The following TRMT9B variants were observed in gnomAD, a reference collection of about 807,000 sequenced individuals.
TRMT9B encodes probable tRNA methyltransferase 9B.
In TRMT9B, 16 loss-of-function variants were observed where a neutral mutation model predicts 11.5. The ratio of observed to expected loss-of-function variants is 1.39; its 90% CI spans 0.94 to 2.11. The LOEUF (loss-of-function observed/expected upper bound fraction) is 2.11, where lower values mean the gene tolerates loss of function less well. Ranked by LOEUF, TRMT9B falls within the 30% of genes most tolerant of loss-of-function variation. TRMT9B has a pLI of 0.00. For synonymous variants in TRMT9B, 274 were observed against 192.4 expected (o/e 1.42, Z -3.51); for missense variants, 941 against 553.8 (o/e 1.70, Z -7.02).
intron 1 of TRMT9B, among the ~76,000 whole-genome samples, chr8:12,978,889 C>T (rs1804896516): frequency 6.6e-6 from 1 of 152,226 alleles, no homozygotes; most frequent in Non-Finnish European, 1.5e-5. Context: ...ATTTCTCTCT[C>T]TTTGGCAGTC....
At chr8:13,011,742 C>G in intron 3 of TRMT9B, 1 of 969,520 alleles carries the variant, frequency 1.0e-6, no homozygotes, top group Non-Finnish European at 1.2e-6. Context: ...CAAAAATTGT[C>G]TATTTAAGAA....
intron 2 of TRMT9B, among the ~76,000 whole-genome samples, chr8:13,003,429 C>G (rs1809828964): frequency 1.3e-5 from 2 of 152,090 alleles, no homozygotes; most frequent in African/African-American, 4.8e-5. Flanking sequence ...CCTGGAAGGT[C>G]AGGGAAGTCT....
rs67049213 is a variant in TRMT9B at position 13,024,395 on chromosome 8, C to T, written c.*2351C>T. 42,906 of 167,036 alleles carry T rather than the reference C, an allele frequency of 0.26. 6,409 individuals carry two copies. The highest frequency in any genetic ancestry group is 0.59 in the East Asian group (3,045 of 5,162). The allele number at this position is 167,036 out of a possible 1,614,324, so 10.3% of individuals were successfully genotyped here. ...ACTAAACCATGACTGCAAGGGATTT[C>T]CTTGGTAAAAAGAAAAGATTCTCAG... On this transcript the variant is annotated 3_prime_UTR_variant, in exon 5 of 5. Transcript: ENST00000524591.
At chr8:12,979,829 C>T (rs1216559363) in intron 1 of TRMT9B, among the ~76,000 whole-genome samples, 1 of 152,148 alleles carries the variant, frequency 6.6e-6, no homozygotes, top group Non-Finnish European at 1.5e-5. Flanking sequence ...TTCTGGATAT[C>T]TTAAGCAGAG....
At position 12,990,839 on chromosome 8, in the gene TRMT9B, G is replaced by T; in HGVS notation, c.-194G>T. On this transcript the variant is annotated 5_prime_UTR_variant, in exon 2 of 5. Coordinates refer to ENST00000524591, the MANE Select transcript of TRMT9B (RefSeq NM_020844.3). ...ATTTGTTTTCTTCCTGATAGGGCCTGTGCTTCCTTCAGAGACTCACACAAG... is the reference window on the plus strand; with the variant it reads ...ATTTGTTTTCTTCCTGATAGGGCCTTTGCTTCCTTCAGAGACTCACACAAG... 7.8e-7 allele frequency: 1 copy of T among 1,289,160 alleles called. No individual in the cohort carries two copies. The highest frequency in any genetic ancestry group is 1.0e-6 in the Non-Finnish European group (1 of 988,282). 79.9% of individuals were successfully genotyped at this position (1,289,160 alleles called of 1,614,324 possible).
rs505480 is a variant in TRMT9B, at chr8:13,021,334, C to G, written c.655C>G (p.Pro219Ala). The change falls in exon 5 of 5, where the codon CCT becomes GCT. Residue 219 changes from proline (P) to alanine (A), a missense_variant. Transcript: ENST00000524591. ...SKRSHSVGYEPAMARTCFANI... is the reference protein window; with the variant it reads ...SKRSHSVGYEAAMARTCFANI... ...ACGGTCCCACAGCGTGGGCTATGAA[C>G]CTGCTATGGCAAGAACCTGTTTTGC... 1.9e-6 allele frequency: 3 copies of G among 1,613,960 alleles called. No homozygotes were observed. Among genetic ancestry groups the G allele is most frequent in the East Asian group, 2.2e-5 (1 of 44,884 alleles).
chr8:12,990,879 A>T lies in TRMT9B; in HGVS notation c.-154A>T. On this transcript the variant is annotated 5_prime_UTR_variant, in exon 2 of 5. Transcript: ENST00000524591. ...ACTCACACAAGAGGTTTATCATGAG[A>T]AGGACCGCACTATTTCATTTCACTC... 1 of 1,289,664 alleles carries T rather than the reference A, an allele frequency of 7.8e-7. No homozygotes were observed. Among genetic ancestry groups the T allele is most frequent in the Non-Finnish European group, 1.0e-6 (1 of 988,650 alleles). The allele number at this position is 1,289,664 out of a possible 1,614,324, so 79.9% of individuals were successfully genotyped here. A position where few individuals can be genotyped will look rare whatever the true frequency, so the allele number is the denominator to read the frequency against.
At chr8:12,974,956 G>A (rs1804210667) in intron 1 of TRMT9B, among the ~76,000 whole-genome samples, 1 of 151,008 alleles carries the variant, frequency 6.6e-6, no homozygotes, top group African/African-American at 2.4e-5. Context: ...AAAGAACTTT[G>A]CCATAAAAGG....
At chr8:12,951,666 G>A (rs1293269368) in intron 1 of TRMT9B, 1 of 151,950 alleles carries the variant, frequency 6.6e-6, no homozygotes, top group Non-Finnish European at 1.5e-5. Flanking sequence ...CCGGACAGCT[G>A]AGCCCGAGCG....
intron 4 of TRMT9B, among the ~76,000 whole-genome samples, chr8:13,013,705 C>T (rs1017369200): frequency 6.6e-6 from 1 of 152,194 alleles, no homozygotes; most frequent in South Asian, 2.1e-4. Context: ...GTAATCCCAA[C>T]CCTTTGGGAG....
chr8:12,977,846 C>G lies in TRMT9B; in HGVS notation c.-199-12988C>G, dbSNP rs552501939. On this transcript the variant is annotated intron_variant, in intron 1 of 4. Transcript: ENST00000524591. ...CCTGGGCAATATAGCAAGACCCTAT[C>G]TCTACAAAAAAAAAAGAAAAAAATA... 9.6e-5 allele frequency among the ~76,000 whole-genome samples: 11 copies of G among 115,126 alleles called. No homozygotes were observed. The East Asian group carries it at 3.2e-3, about 33-fold the overall frequency. The allele number at this position is 115,126 out of a possible 152,430, so 75.5% of individuals were successfully genotyped here. A position where few individuals can be genotyped will look rare whatever the true frequency, so the allele number is the denominator to read the frequency against.
chr8:12,985,735 T>A (rs899516785), intron 1 of TRMT9B, among the ~76,000 whole-genome samples: 1 of 152,220 alleles, frequency 6.6e-6, no homozygotes, highest in Non-Finnish European at 1.5e-5. Context: ...TGCTGACATC[T>A]ATGGGACTTA....
At chr8:12,952,901 G>A (rs749362410) in intron 1 of TRMT9B, among the ~76,000 whole-genome samples, 1 of 152,082 alleles carries the variant, frequency 6.6e-6, no homozygotes, top group Non-Finnish European at 1.5e-5. Context: ...CACCATGCCT[G>A]GCTAATTTTT....
intron 3 of TRMT9B, chr8:13,007,208 A>C (rs1426422869): frequency 6.6e-6 from 1 of 152,156 alleles, no homozygotes; most frequent in Non-Finnish European, 1.5e-5. Flanking sequence ...TATCTTATGA[A>C]TCTCATGGGT....
chr8:13,016,089 T>C (rs1005275492), intron 4 of TRMT9B, among the ~76,000 whole-genome samples: 2 of 146,392 alleles, frequency 1.4e-5, no homozygotes, highest in Non-Finnish European at 3.0e-5. Flanking sequence ...CTAAAAATCA[T>C]ATGGGTATAT....
chr8:12,950,417 C>T (rs968197124), intron 1 of TRMT9B, among the ~76,000 whole-genome samples: 3 of 152,212 alleles, frequency 2.0e-5, no homozygotes, highest in Admixed American at 6.5e-5. Flanking sequence ...GTATCCAATA[C>T]GTCTTCTGTG....
intron 2 of TRMT9B, among the ~76,000 whole-genome samples, chr8:13,004,483 G>A (rs1360698426): frequency 6.6e-6 from 1 of 151,820 alleles, no homozygotes; most frequent in Admixed American, 6.6e-5. Context: ...GTTCAGCTGC[G>A]GTAGGATAGG....
chr8:13,014,893 T>C (rs2128896609), intron 4 of TRMT9B, among the ~76,000 whole-genome samples: 1 of 152,038 alleles, frequency 6.6e-6, no homozygotes, highest in African/African-American at 2.4e-5. Context: ...AAACCCCGTC[T>C]CTACTAAAAA....
At chr8:12,976,368 CTT>C (rs34578022) in intron 1 of TRMT9B, among the ~76,000 whole-genome samples, 38,169 of 149,488 alleles carry the variant, frequency 0.26, 5,459 homozygotes, top group East Asian at 0.6. Context: ...TTATGCTTTA[CTT>C]TTTTTTTTTT....
Sources: gnomAD v4.1 joint callset for allele counts (sites outside exome capture counted in the v4.1 genomes callset) on GRCh38, gnomAD v4.1.1 for gene constraint, MANE v1.5 for transcripts, NCBI Gene and HGNC (gene_info 2026-07-23, HGNC 2026-07-21) for gene names.